ZNF69: variants seen among roughly 807,000 people sequenced by gnomAD.
The protein encoded by ZNF69 is ZNF3.
ZNF69 carries 47 observed loss-of-function variants against 50.9 expected under a neutral mutation model. The observed-to-expected ratio is 0.92, with a 90% CI of 0.73 to 1.18. The LOEUF (loss-of-function observed/expected upper bound fraction) is 1.18. ZNF69 is among the 50% of genes most tolerant of loss of function. ZNF69 has a pLI of 0.00. For missense variants in ZNF69, 717 were observed against 675.1 expected (o/e 1.06, Z -0.69); for synonymous variants, 216 against 223.1 (o/e 0.97, Z 0.29).
the ZNF69 span, among the ~76,000 whole-genome samples, chr19:11,934,889 T>TA: frequency 2.7e-5 from 4 of 147,296 alleles, no homozygotes; most frequent in Non-Finnish European, 5.9e-5. Context: ...TTGCCATAAT[T>TA]ACAGTCTTTG....
chr19:11,947,021 G>A, the ZNF69 span: 4 of 1,242,672 alleles, frequency 3.2e-6, no homozygotes, highest in Non-Finnish European at 4.3e-6. Flanking sequence ...TTGCTTTATG[G>A]AAGAAAGTAA....
At chr19:11,949,290 G>T in the ZNF69 span, 1 of 1,608,724 alleles carries the variant, frequency 6.2e-7, no homozygotes, top group South Asian at 1.1e-5. Flanking sequence ...AGTGTAAGCA[G>T]TGTGGGAAAG....
At chr19:11,939,322 T>C in the ZNF69 span, among the ~76,000 whole-genome samples, 2 of 152,228 alleles carry the variant, frequency 1.3e-5, no homozygotes, top group South Asian at 2.1e-4. Flanking sequence ...CTGAATGGTA[T>C]TGCCTAGGTT....
At chr19:11,932,300 C>T in the ZNF69 span, among the ~76,000 whole-genome samples, 10 of 147,110 alleles carry the variant, frequency 6.8e-5, no homozygotes, top group Non-Finnish European at 8.9e-5. Flanking sequence ...GCTATGATTG[C>T]ACCACTACAC....
chr19:11,972,943 T>A, the ZNF69 span, among the ~76,000 whole-genome samples: 1 of 152,254 alleles, frequency 6.6e-6, no homozygotes, highest in East Asian at 1.9e-4. Flanking sequence ...AAAAAAATCA[T>A]TTTAAACCAT....
chr19:11,905,473 C>G lies in ZNF69; in HGVS notation c.1076C>G (p.Pro359Arg). ...ATAAGAATGCACTCTGGAGAAAGAC[C>G]TTATGAATGTAAGATATGTGGGAAA... is the stretch of plus-strand genomic sequence containing the variant. ...THIRMHSGER[P>R]YECKICGKGF... Residue 359 changes from proline to arginine, a missense_variant, in exon 4 of 4, where the codon CCT becomes CGT. Physicochemically the swap from Pro to Arg is moderately radical, Grantham distance 103 (BLOSUM62 -2). Coordinates refer to ENST00000429654, the MANE Select transcript of ZNF69 (RefSeq NM_001364730.1). 1 of 1,614,172 alleles carries G rather than the reference C, an allele frequency of 6.2e-7. No homozygotes were observed. Among genetic ancestry groups the G allele is most frequent in the Admixed American group, 1.7e-5 (1 of 60,014 alleles).
the ZNF69 span, among the ~76,000 whole-genome samples, chr19:11,963,504 C>T: frequency 2.0e-5 from 3 of 152,166 alleles, no homozygotes; most frequent in South Asian, 2.1e-4. Context: ...AGTGGTTGAG[C>T]GTTCACTTTT....
intron 1 of ZNF69, among the ~76,000 whole-genome samples, chr19:11,892,621 A>T (rs1977123142): frequency 6.6e-6 from 1 of 151,688 alleles, no homozygotes; most frequent in South Asian, 2.1e-4. Context: ...TAAATAAATA[A>T]AAAAAAAGTG....
At chr19:11,916,030 G>A (rs556988825), downstream of ZNF69, among the ~76,000 whole-genome samples, 10 of 152,146 alleles carry the variant, frequency 6.6e-5, no homozygotes, top group Non-Finnish European at 1.5e-4. Flanking sequence ...TCAGAGCCCC[G>A]GAAAGCTAGG....
At chr19:11,976,795 C>T in the ZNF69 span, 4 of 1,148,620 alleles carry the variant, frequency 3.5e-6, no homozygotes, top group East Asian at 3.7e-5. Flanking sequence ...GAACCCCGGT[C>T]ATGAGCCAAG....
chr19:11,970,943 A>G, the ZNF69 span, among the ~76,000 whole-genome samples: 10 of 152,118 alleles, frequency 6.6e-5, no homozygotes, highest in Non-Finnish European at 1.3e-4. Context: ...AAAAATAAAA[A>G]AAAAACTAAA....
chr19:11,959,492 TC>T, the ZNF69 span, among the ~76,000 whole-genome samples: 1 of 152,222 alleles, frequency 6.6e-6, no homozygotes, highest in African/African-American at 2.4e-5. Context: ...AGCAGAATTT[TC>T]CCACTTTTGA....
chr19:11,965,226 C>T, the ZNF69 span: 3 of 1,613,900 alleles, frequency 1.9e-6, no homozygotes, highest in African/African-American at 4.0e-5. Context: ...GTGTGCATAG[C>T]CGGTTGTCCC....
At chr19:11,951,251 G>A in the ZNF69 span, among the ~76,000 whole-genome samples, 1 of 117,238 alleles carries the variant, frequency 8.5e-6, no homozygotes, top group Non-Finnish European at 1.7e-5. Flanking sequence ...TTTTTTTTCT[G>A]ATAGTCTCAT....
chr19:11,918,553 C>T (rs374016009), downstream of ZNF69, among the ~76,000 whole-genome samples: 110 of 152,218 alleles, frequency 7.2e-4, 1 homozygote, highest in South Asian at 6.0e-3. Context: ...GTGTTCTGGT[C>T]ACTCACTGCA....
the ZNF69 span, among the ~76,000 whole-genome samples, chr19:11,973,095 G>C: frequency 6.6e-6 from 1 of 152,006 alleles, no homozygotes; most frequent in Admixed American, 6.6e-5. Flanking sequence ...TGTGGTTTAA[G>C]ACAACTACAT....
the ZNF69 span, among the ~76,000 whole-genome samples, chr19:11,926,278 G>A: frequency 6.6e-6 from 1 of 152,216 alleles, no homozygotes; most frequent in African/African-American, 2.4e-5. Context: ...ATGTGTGGGA[G>A]AGGGTATAAG....
chr19:11,965,902 A>C, the ZNF69 span, among the ~76,000 whole-genome samples: 4 of 152,126 alleles, frequency 2.6e-5, no homozygotes, highest in Non-Finnish European at 2.9e-5. Flanking sequence ...CATTGGCAGA[A>C]AGGGCGGGAC....
chr19:11,950,113 AC>A, the ZNF69 span: 1 of 1,614,234 alleles, frequency 6.2e-7, no homozygotes, highest in African/African-American at 1.3e-5. Context: ...ACATGCAAGA[AC>A]ACACATTGGA....
Sources: allele counts gnomAD v4.1 joint callset (sites outside exome capture counted in the v4.1 genomes callset), GRCh38; gene constraint gnomAD v4.1.1; transcripts MANE v1.5; gene names NCBI Gene and HGNC (gene_info 2026-07-23, HGNC 2026-07-21).